The following FAM227B variants were observed in gnomAD, a reference collection of about 807,000 sequenced individuals.
FAM227B encodes protein FAM227B.
Under a neutral mutation model 73.8 loss-of-function variants are expected in FAM227B, and 88 were observed. The observed-to-expected ratio is 1.19, with a 90% confidence interval of 1.00 to 1.42. The LOEUF is 1.42. Ranked by LOEUF, FAM227B falls within the 40% of genes most tolerant of loss-of-function variation. The pLI is 0.00. For missense variants in FAM227B, 632 were observed against 590.9 expected, an observed-to-expected ratio of 1.07 and a Z score of -0.72; for synonymous variants, 210 against 190.5, an observed-to-expected ratio of 1.10 and a Z score of -0.84.
chr15:49,367,755 G>T, intron 12 of FAM227B, 147 bp from the exon 13 acceptor site: 2 of 711,420 alleles, frequency 2.8e-6, no homozygotes, highest in Non-Finnish European at 4.2e-6. Context: ...CTTAATTAGA[G>T]GAATTTACCA....
chr15:49,385,627 G>A (rs184196058), intron 11 of FAM227B, among the ~76,000 whole-genome samples: 21 of 149,298 alleles, frequency 1.4e-4, no homozygotes, highest in Admixed American at 1.4e-3. Context: ...GTAATAACAT[G>A]ATGAAGAGAA....
intron 11 of FAM227B, among the ~76,000 whole-genome samples, chr15:49,401,031 A>G (rs1434901851): frequency 6.6e-6 from 1 of 152,242 alleles, no homozygotes; most frequent in African/African-American, 2.4e-5. Context: ...GCTTCTGCAC[A>G]GCAAAAGAAA....
Position 49,541,712 on chromosome 15 carries a change from T to G in FAM227B, c.842A>C (p.Asp281Ala), listed in dbSNP as rs1341715678. 5.9e-6 allele frequency: 9 copies of G among 1,522,220 alleles called. No homozygotes were observed. Among genetic ancestry groups the G allele is most frequent in the Non-Finnish European group, 7.9e-6 (9 of 1,135,706 alleles). The allele number at this position is 1,522,220 out of a possible 1,614,324, so 94.3% of individuals were successfully genotyped here. A position where few individuals can be genotyped will look rare whatever the true frequency, so the allele number is the denominator to read the frequency against. The change falls in exon 10 of 16, where the codon GAT (aspartate) becomes GCT (alanine). Residue 281 changes from aspartate to alanine, a missense_variant. Physicochemically the swap from Asp to Ala is moderately radical, Grantham distance 126. Transcript: ENST00000299338. ...CCAAAGAAAAATGTTATTCCCTAGA[T>G]CTTCTTTAAATTCATCATTAAAGAG... ...SYLFNDEFKE[D>A]LGNNIFLWCS...
intron 11 of FAM227B, chr15:49,486,512 C>A (rs1368459891): frequency 6.6e-6 from 1 of 151,950 alleles, no homozygotes; most frequent in East Asian, 1.9e-4. Context: ...AGTGTGAATT[C>A]ACTGAATGTT....
At chr15:49,426,954 T>C (rs568803789) in intron 11 of FAM227B, among the ~76,000 whole-genome samples, 14 of 152,124 alleles carry the variant, frequency 9.2e-5, no homozygotes, top group African/African-American at 3.4e-4. Flanking sequence ...GGCTATCTTA[T>C]TGGAGAAGGA....
chr15:49,366,521 G>A, intron 13 of FAM227B: 1 of 1,458,012 alleles, frequency 6.9e-7, no homozygotes, highest in Non-Finnish European at 9.6e-7. Context: ...ATTTTCTAGG[G>A]TACTTGGAAG....
At chr15:49,461,236 G>C (rs1438141992) in intron 11 of FAM227B, among the ~76,000 whole-genome samples, 1 of 152,126 alleles carries the variant, frequency 6.6e-6, no homozygotes, top group Non-Finnish European at 1.5e-5. Flanking sequence ...TGGGCTAATT[G>C]CAGGTCTCAT....
chr15:49,509,525 A>C lies in FAM227B; in HGVS notation c.875-1177T>G, dbSNP rs531047086. On this transcript the variant is annotated intron_variant, in intron 10 of 15. Transcript: ENST00000299338. ...CTGTCTGCCATCAAGGCAGACGTGA[A>C]ATTATTTAACATGGTGCCTGATCCC... Among the ~76,000 whole-genome samples, 3 of 152,108 alleles carry C rather than the reference A, an allele frequency of 2.0e-5. No homozygotes were observed. The East Asian group carries it at 5.8e-4, about 29-fold the overall frequency.
At chr15:49,480,502 G>T (rs1345567324) in intron 11 of FAM227B, among the ~76,000 whole-genome samples, 2 of 122,798 alleles carry the variant, frequency 1.6e-5, no homozygotes, top group African/African-American at 3.1e-5. Context: ...TTTTTGGTGA[G>T]ACGGAGTCTC....
intron 15 of FAM227B, chr15:49,330,407 A>G (rs1001365854): frequency 6.6e-6 from 1 of 152,172 alleles, no homozygotes; most frequent in African/African-American, 2.4e-5. Context: ...TTGGGCTCCA[A>G]ATCAGGAGAT....
At chr15:49,457,331 T>C (rs1268147296) in intron 11 of FAM227B, among the ~76,000 whole-genome samples, 1 of 151,948 alleles carries the variant, frequency 6.6e-6, no homozygotes, top group Non-Finnish European at 1.5e-5. Flanking sequence ...AACTACCCTG[T>C]AGGTGGAATC....
At chr15:49,329,397 T>C (rs1246806129) in intron 15 of FAM227B, 7 of 985,210 alleles carry the variant, frequency 7.1e-6, no homozygotes, top group Non-Finnish European at 8.4e-6. Flanking sequence ...AATGGTTTTA[T>C]GGCATGAATT....
chr15:49,487,825 C>CA (rs2056530865), intron 11 of FAM227B: 1 of 151,938 alleles, frequency 6.6e-6, no homozygotes, highest in African/African-American at 2.4e-5. Context: ...ACAATGTCTG[C>CA]AATTAAACAC....
At chr15:49,529,328 G>A (rs1310097262) in intron 10 of FAM227B, among the ~76,000 whole-genome samples, 1 of 151,554 alleles carries the variant, frequency 6.6e-6, no homozygotes, top group Non-Finnish European at 1.5e-5. Context: ...AAGAGGGGAG[G>A]TTGAGAGGAG....
chr15:49,332,554 G>A (rs1039643680), intron 14 of FAM227B, among the ~76,000 whole-genome samples: 43 of 152,244 alleles, frequency 2.8e-4, no homozygotes, highest in Non-Finnish European at 3.7e-4. Flanking sequence ...GAGAAGCAAT[G>A]GTAGCTAGGC....
At chr15:49,560,491 A>G (rs2152333520) in intron 9 of FAM227B, among the ~76,000 whole-genome samples, 1 of 152,288 alleles carries the variant, frequency 6.6e-6, no homozygotes, top group Admixed American at 6.5e-5. Flanking sequence ...TAATTTTGCT[A>G]GAGAGGTAGA....
At chr15:49,495,939 C>T (rs2057561090) in intron 11 of FAM227B, among the ~76,000 whole-genome samples, 2 of 152,092 alleles carry the variant, frequency 1.3e-5, no homozygotes, top group African/African-American at 2.4e-5. Context: ...AGAAGAACTG[C>T]TTGAACCCGG....
intron 11 of FAM227B, among the ~76,000 whole-genome samples, chr15:49,379,606 G>C (rs2046390079): frequency 6.6e-6 from 1 of 152,086 alleles, no homozygotes; most frequent in Admixed American, 6.5e-5. Context: ...CAGTTTCTGT[G>C]GTATCAGTTG....
intron 11 of FAM227B, among the ~76,000 whole-genome samples, chr15:49,504,787 T>C (rs2058451240): frequency 1.3e-5 from 2 of 152,168 alleles, no homozygotes; most frequent in African/African-American, 2.4e-5. Context: ...CATGAGCCAA[T>C]TGAGCCTCTT....
Sources: allele counts gnomAD v4.1 joint callset (sites outside exome capture counted in the v4.1 genomes callset), GRCh38; gene constraint gnomAD v4.1.1; transcripts MANE v1.5; gene names NCBI Gene and HGNC (gene_info 2026-07-23, HGNC 2026-07-21).